Variants in CSMD1 observed in about 807,000 individuals in gnomAD.
The protein encoded by CSMD1 is CUB and sushi domain-containing protein 1.
Under a neutral mutation model 417.5 loss-of-function variants are expected in CSMD1, and 213 were observed. That is an observed-to-expected ratio of 0.51 (90% CI 0.46 to 0.57). The LOEUF is 0.57. CSMD1 is among the 20% of genes least tolerant of loss of function. The pLI is 0.00. For synonymous variants in CSMD1, 2,862 were observed against 1,736.8 expected (o/e 1.65, Z -16.11); for missense variants, 6,923 against 4,529.7 (o/e 1.53, Z -15.17).
In CSMD1 at chr8:4,892,384, T is replaced by G. The variant is rs1031546399; in HGVS notation, c.85+101948A>C. On this transcript the variant is annotated intron_variant, in intron 1 of 69. Coordinates refer to ENST00000635120, the MANE Select transcript of CSMD1 (RefSeq NM_033225.6). ...GGTGTGAACAAGAGCAAGGGGGAGT[T>G]GAGAATCCTGAGCTTACAGCCCTGC... is the stretch of plus-strand genomic sequence containing the variant. 2.0e-5 allele frequency among the ~76,000 whole-genome samples: 3 copies of G among 151,996 alleles called. No homozygotes were observed. In the South Asian group the frequency reaches 6.2e-4, roughly 32 times the overall value.
chr8:3,935,895 T>C (rs1223036395), intron 5 of CSMD1, among the ~76,000 whole-genome samples: 1 of 152,168 alleles, frequency 6.6e-6, no homozygotes, highest in Non-Finnish European at 1.5e-5. Context: ...TACTTAAAGA[T>C]GAGACAGGCT....
intron 46 of CSMD1, among the ~76,000 whole-genome samples, chr8:3,101,671 C>T (rs1447875189): frequency 6.6e-6 from 1 of 152,100 alleles, no homozygotes; most frequent in Non-Finnish European, 1.5e-5. Context: ...GTGATCCGCT[C>T]CCCTCAGCCT....
Position 4,441,095 on chromosome 8 carries a change from G to T in CSMD1, c.303-21030C>A, listed in dbSNP as rs1179384577. Among the ~76,000 whole-genome samples the T allele has an allele frequency of 4.1e-4, 21 of 51,316 alleles. No homozygotes were observed. In the South Asian group the frequency reaches 4.3e-3, roughly 10 times the overall value. 33.7% of individuals were successfully genotyped at this position (51,316 alleles called of 152,430 possible). A position where few individuals can be genotyped will look rare whatever the true frequency, so the allele number is the denominator to read the frequency against. On this transcript the variant is annotated intron_variant, in intron 2 of 69. Coordinates refer to ENST00000635120, the MANE Select transcript of CSMD1 (RefSeq NM_033225.6). Reference sequence around the variant, plus strand: ...AATAATTTGACTCGTTAATCAAAAGGTTTTTTTTTTTTTTTTTTTTTTTAA... The same window carrying T: ...AATAATTTGACTCGTTAATCAAAAGTTTTTTTTTTTTTTTTTTTTTTTTAA...
At chr8:3,241,733 G>A (rs184112787) in intron 26 of CSMD1, among the ~76,000 whole-genome samples, 2,386 of 152,220 alleles carry the variant, frequency 0.016, 64 homozygotes, top group African/African-American at 0.054. Flanking sequence ...TGCGGTTCAG[G>A]CATTTGGAAG....
At chr8:3,911,950 C>G (rs1808492533) in intron 5 of CSMD1, among the ~76,000 whole-genome samples, 1 of 152,156 alleles carries the variant, frequency 6.6e-6, no homozygotes, top group South Asian at 2.1e-4. Context: ...ATATGTCCAC[C>G]TGAATCTTAC....
At chr8:4,191,338 G>T (rs1389336529) in intron 3 of CSMD1, among the ~76,000 whole-genome samples, 1 of 152,158 alleles carries the variant, frequency 6.6e-6, no homozygotes, top group East Asian at 1.9e-4. Context: ...AGAGCCTGCA[G>T]TGAGCAGAGA....
chr8:3,239,676 A>G (rs1405136306), intron 26 of CSMD1, among the ~76,000 whole-genome samples: 2 of 152,240 alleles, frequency 1.3e-5, no homozygotes, highest in Non-Finnish European at 2.9e-5. Flanking sequence ...GAGAGGTTCT[A>G]AGAGGCGGGC....
intron 5 of CSMD1, among the ~76,000 whole-genome samples, chr8:3,981,153 G>A (rs1054129117): frequency 3.9e-5 from 6 of 152,154 alleles, no homozygotes; most frequent in South Asian, 2.1e-4. Flanking sequence ...TGATAGTTAC[G>A]CTGCATGTAC....
At chr8:4,218,425 A>G (rs1309517563) in intron 3 of CSMD1, among the ~76,000 whole-genome samples, 1 of 152,168 alleles carries the variant, frequency 6.6e-6, no homozygotes, top group Non-Finnish European at 1.5e-5. Flanking sequence ...TATATTATAT[A>G]CCTACTTTTA....
At chr8:4,231,136 C>G (rs531906608) in intron 3 of CSMD1, among the ~76,000 whole-genome samples, 3 of 152,120 alleles carry the variant, frequency 2.0e-5, no homozygotes, top group Non-Finnish European at 4.4e-5. Context: ...AAGAGTATTA[C>G]GAAAACTAAC....
At chr8:4,606,280 G>A (rs1800863586) in intron 2 of CSMD1, among the ~76,000 whole-genome samples, 1 of 152,058 alleles carries the variant, frequency 6.6e-6, no homozygotes, top group Non-Finnish European at 1.5e-5. Flanking sequence ...CCTAAGACAA[G>A]GGACTGTGAC....
intron 37 of CSMD1, among the ~76,000 whole-genome samples, chr8:3,170,512 C>G (rs551326739): frequency 1.3e-5 from 2 of 152,236 alleles, no homozygotes; most frequent in African/African-American, 2.4e-5. Context: ...CCGGCCCGAG[C>G]TTTATTTCTA....
chr8:3,991,813 A>T (rs940151), intron 5 of CSMD1, among the ~76,000 whole-genome samples: 2 of 152,038 alleles, frequency 1.3e-5, no homozygotes, highest in African/African-American at 4.8e-5. Context: ...AAGTCTCCAC[A>T]CTGCCTCTTT....
intron 41 of CSMD1, among the ~76,000 whole-genome samples, chr8:3,133,990 C>A (rs1391484612): frequency 6.6e-6 from 1 of 152,046 alleles, no homozygotes; most frequent in Non-Finnish European, 1.5e-5. Flanking sequence ...CCAGCCTGGC[C>A]AATGTGGTGA....
rs528001198 is a variant in CSMD1, at chr8:4,740,881, T to C, written c.86-103323A>G. Among the ~76,000 whole-genome samples, 9 of 152,340 alleles carry C rather than the reference T, an allele frequency of 5.9e-5. No homozygotes were observed. The East Asian group carries it at 1.5e-3, about 26-fold the overall frequency. On this transcript the variant is annotated intron_variant, in intron 1 of 69. Coordinates refer to ENST00000635120, the MANE Select transcript of CSMD1 (RefSeq NM_033225.6). Reference sequence around the variant, plus strand: ...GAACTTCTTCCCTGAGACATCATGCTCCTTTTTTCCACAACAGCTAACTTT... The same window carrying C: ...GAACTTCTTCCCTGAGACATCATGCCCCTTTTTTCCACAACAGCTAACTTT...
chr8:3,960,427 A>G (rs1210442607), intron 5 of CSMD1, among the ~76,000 whole-genome samples: 1 of 152,154 alleles, frequency 6.6e-6, no homozygotes, highest in Non-Finnish European at 1.5e-5. Context: ...ATAGTCCCTC[A>G]ATGCTAGTGA....
At chr8:3,462,887 T>C (rs556817915) in intron 12 of CSMD1, among the ~76,000 whole-genome samples, 2 of 152,294 alleles carry the variant, frequency 1.3e-5, no homozygotes, top group Middle Eastern at 3.4e-3. Context: ...TTTTCAGAGA[T>C]GGGCCAGCCT....
intron 3 of CSMD1, among the ~76,000 whole-genome samples, chr8:4,268,327 A>G (rs1343877848): frequency 6.6e-6 from 1 of 152,142 alleles, no homozygotes; most frequent in Non-Finnish European, 1.5e-5. Flanking sequence ...TGACCTGAAT[A>G]TTAATTAGAT....
intron 1 of CSMD1, among the ~76,000 whole-genome samples, chr8:4,860,606 T>A (rs1044896654): frequency 2.0e-5 from 3 of 152,110 alleles, no homozygotes; most frequent in African/African-American, 7.3e-5. Flanking sequence ...CTCTTCTTTA[T>A]AAATTACCCA....
Sources: allele counts gnomAD v4.1 joint callset (sites outside exome capture counted in the v4.1 genomes callset), GRCh38; gene constraint gnomAD v4.1.1; transcripts MANE v1.5; gene names NCBI Gene and HGNC (gene_info 2026-07-23, HGNC 2026-07-21).